The following BRD3 variants were observed in gnomAD, a reference collection of about 807,000 sequenced individuals.
The protein encoded by BRD3 is bromodomain-containing protein 3.
A neutral mutation model predicts 66.8 loss-of-function variants in BRD3; 17 were observed. That is an observed-to-expected ratio of 0.25 (90% CI 0.17 to 0.38). The LOEUF is 0.38. Ranked by LOEUF, BRD3 falls within the 10% of genes least tolerant of loss-of-function variation. BRD3 has a pLI of 1.00. For missense variants in BRD3, 713 were observed against 956.1 expected, an observed-to-expected ratio of 0.75 and a Z score of 3.35; for synonymous variants, 421 against 393.2, an observed-to-expected ratio of 1.07 and a Z score of -0.84.
At chr9:134,050,300 T>C in intron 5 of BRD3, 74 bp downstream of exon 5, 1 of 1,465,808 alleles carries the variant, frequency 6.8e-7, no homozygotes, top group Non-Finnish European at 9.4e-7. Flanking sequence ...GCCCCCCGCC[T>C]GCTGCTCCTG....
intron 8 of BRD3, 65 bp downstream of exon 8, chr9:134,041,695 T>A: frequency 6.4e-7 from 1 of 1,553,764 alleles, no homozygotes; most frequent in Non-Finnish European, 8.7e-7. Flanking sequence ...GGGACGGACC[T>A]TGGGCTGCTG....
intron 1 of BRD3, among the ~76,000 whole-genome samples, chr9:134,061,846 C>T (rs930711654): frequency 5.9e-5 from 9 of 152,170 alleles, no homozygotes; most frequent in African/African-American, 9.7e-5. Flanking sequence ...ATGCTGGGAG[C>T]AGTGCTGTGA....
chr9:134,055,378 G>A (rs931467937), intron 1 of BRD3, among the ~76,000 whole-genome samples: 1 of 152,132 alleles, frequency 6.6e-6, no homozygotes, highest in Non-Finnish European at 1.5e-5. Context: ...CCTGTGTCCT[G>A]TCTCCTGTGA....
intron 1 of BRD3, among the ~76,000 whole-genome samples, chr9:134,060,994 T>C (rs1296429473): frequency 6.6e-6 from 1 of 151,896 alleles, no homozygotes; most frequent in African/African-American, 2.4e-5. Context: ...TCCAGGGCTG[T>C]TTCAGGGCTG....
intron 1 of BRD3, among the ~76,000 whole-genome samples, chr9:134,060,362 G>A (rs1446844757): frequency 6.6e-6 from 1 of 152,204 alleles, no homozygotes; most frequent in East Asian, 1.9e-4. Flanking sequence ...CTTGGGAGGG[G>A]CAGGAGAATC....
At chr9:134,058,712 A>C (rs1830476275) in intron 1 of BRD3, 1 of 152,328 alleles carries the variant, frequency 6.6e-6, no homozygotes, top group Non-Finnish European at 1.5e-5. Context: ...GGTATTCTGC[A>C]GAGATACACA....
intron 5 of BRD3, among the ~76,000 whole-genome samples, chr9:134,049,550 G>A (rs1830247815): frequency 6.6e-6 from 1 of 152,242 alleles, no homozygotes; most frequent in African/African-American, 2.4e-5. Flanking sequence ...AGACTCGTCT[G>A]GCCGTGGCAA....
At chr9:134,059,209 G>A (rs753468969) in intron 1 of BRD3, among the ~76,000 whole-genome samples, 9 of 152,186 alleles carry the variant, frequency 5.9e-5, no homozygotes, top group Admixed American at 1.3e-4. Context: ...AGCTGCCCCC[G>A]CCCGCGGAAG....
chr9:134,040,197 TCTC>T lies in BRD3; in HGVS notation c.1477_1479del (p.Glu493del), dbSNP rs1397828305. Reference sequence around the variant, plus strand: ...TTCTTCTTCTTCTCCTTCTCCTTCTTCTCCTTCTTCTTCTTTGGTTTGTTTACT... The same window carrying T: ...TTCTTCTTCTTCTCCTTCTCCTTCTTCTTCTTCTTCTTTGGTTTGTTTACT... On this transcript the variant is annotated inframe_deletion, in exon 9 of 12. Coordinates refer to ENST00000303407, the MANE Select transcript of BRD3 (RefSeq NM_007371.4). 3.2e-6 allele frequency: 5 copies of T among 1,576,360 alleles called. No homozygotes were observed. Among genetic ancestry groups the T allele is most frequent in the South Asian group, 1.2e-5 (1 of 86,316 alleles).
intron 10 of BRD3, among the ~76,000 whole-genome samples, chr9:134,035,382 T>C (rs956324368): frequency 3.3e-5 from 5 of 152,126 alleles, no homozygotes; most frequent in African/African-American, 4.8e-5. Flanking sequence ...CAAGTTCAAG[T>C]GAGCCCTGCA....
chr9:134,064,994 G>A (rs1830618522), intron 1 of BRD3, among the ~76,000 whole-genome samples: 1 of 152,250 alleles, frequency 6.6e-6, no homozygotes, highest in South Asian at 2.1e-4. Context: ...CTCCAACAAG[G>A]GGGCGGAGCC....
rs1300793511 is a variant in BRD3, at chr9:134,045,375, G to C, written c.1133C>G (p.Ala378Gly). 2 of 1,613,706 alleles carry C rather than the reference G, an allele frequency of 1.2e-6. No homozygotes were observed. The highest frequency in any genetic ancestry group is 1.7e-6 in the Non-Finnish European group (2 of 1,180,004). Reference protein sequence around the residue: ...REYPDAQGFAADVRLMFSNCY... With the variant: ...REYPDAQGFAGDVRLMFSNCY... Reference sequence around the variant, plus strand: ...ATTCGAGAACATCAGCCGGACATCAGCAGCAAAGCCCTGTGCGTCTGGGTA... The same window carrying C: ...ATTCGAGAACATCAGCCGGACATCACCAGCAAAGCCCTGTGCGTCTGGGTA... The change falls in exon 7 of 12, where the codon GCT (alanine) becomes GGT (glycine). Residue 378 changes from alanine to glycine, a missense_variant. Around this residue, in one of 5 missense-constraint regions of BRD3, gnomAD observed 418 missense variants for 609.3 expected, o/e 0.69. Coordinates refer to ENST00000303407, the MANE Select transcript of BRD3 (RefSeq NM_007371.4). This position sits in a 1 kb window ranked among gnomAD's most constrained non-coding sequence, Gnocchi z 4.8.
chr9:134,068,121 G>A (rs1806399364), upstream of BRD3: 1 of 143,200 alleles, frequency 7.0e-6, no homozygotes, highest in Non-Finnish European at 1.6e-5. Context: ...GCCGCCCAGG[G>A]GAGGCCGCGG....
intron 1 of BRD3, among the ~76,000 whole-genome samples, chr9:134,067,560 A>G (rs968018412): frequency 1.4e-4 from 20 of 146,922 alleles, no homozygotes; most frequent in Admixed American, 1.3e-3. Context: ...GGGGGAAAAA[A>G]ATCCCTTCCG....
At chr9:134,042,608 G>A (rs1564550424) in intron 7 of BRD3, among the ~76,000 whole-genome samples, 1 of 151,398 alleles carries the variant, frequency 6.6e-6, no homozygotes, top group Non-Finnish European at 1.5e-5. Context: ...CTGCACTCCA[G>A]CCTGGGTGAC....
rs757177744 is a variant in BRD3, at chr9:134,041,803, G to A, written c.1364C>T (p.Ser455Leu). The change falls in exon 8 of 12, where the codon TCG (serine) becomes TTG (leucine). Residue 455 changes from serine (S) to leucine (L), a missense_variant. Around this residue, in one of 5 missense-constraint regions of BRD3, gnomAD observed 418 missense variants for 609.3 expected, o/e 0.69. Coordinates refer to ENST00000303407, the MANE Select transcript of BRD3 (RefSeq NM_007371.4). ...ESSSDSGSSD[S>L]EEERATRLAE... ...CAGCCTGGTGGCCCGCTCCTCCTCCGAGTCCGAGCTGCCTGAGTCCGAAGA... is the reference window on the plus strand; with the variant it reads ...CAGCCTGGTGGCCCGCTCCTCCTCCAAGTCCGAGCTGCCTGAGTCCGAAGA... 1.1e-5 allele frequency: 18 copies of A among 1,612,384 alleles called. No homozygotes were observed. Among genetic ancestry groups the A allele is most frequent in the Admixed American group, 1.7e-5 (1 of 59,952 alleles).
intron 1 of BRD3, among the ~76,000 whole-genome samples, chr9:134,062,344 T>C (rs1191666255): frequency 6.6e-6 from 1 of 152,140 alleles, no homozygotes; most frequent in Non-Finnish European, 1.5e-5. Flanking sequence ...TCCTGGGGCA[T>C]GGCCCCAGAC....
At chr9:134,052,197 G>A in intron 3 of BRD3, 109 bp downstream of exon 3, 1 of 1,403,820 alleles carries the variant, frequency 7.1e-7, no homozygotes, top group Non-Finnish European at 9.6e-7. Context: ...CCAGCCAGGT[G>A]AAGCGCTTTG....
chr9:134,065,468 A>G (rs1830631420), intron 1 of BRD3, among the ~76,000 whole-genome samples: 2 of 151,048 alleles, frequency 1.3e-5, no homozygotes, highest in Middle Eastern at 3.2e-3. Flanking sequence ...TGCCTAGGAC[A>G]GGAACCCCGT....
Sources: gnomAD v4.1 joint callset for allele counts (sites outside exome capture counted in the v4.1 genomes callset) on GRCh38, gnomAD v4.1.1 for gene constraint, gnomAD v4.1.1 regional missense constraint, Gnocchi (gnomAD v3.1) non-coding constraint, MANE v1.5 for transcripts, NCBI Gene and HGNC (gene_info 2026-07-23, HGNC 2026-07-21) for gene names.